WASL: variants seen among roughly 807,000 people sequenced by gnomAD.
WASL encodes WASP like actin nucleation promoting factor, also known as actin nucleation-promoting factor WASL.
Under a neutral mutation model 55.5 loss-of-function variants are expected in WASL, and 20 were observed. The observed-to-expected ratio is 0.36, with a 90% CI of 0.25 to 0.52. The LOEUF (loss-of-function observed/expected upper bound fraction) is 0.52, where lower values mean the gene tolerates loss of function less well. Among genes scored for constraint, WASL ranks in the 20% least tolerant of loss-of-function variants. The pLI, the probability that WASL is intolerant of heterozygous loss-of-function variation, is 0.92. For missense variants in WASL, 504 were observed against 622.5 expected, an observed-to-expected ratio of 0.81 and a Z score of 2.03; for synonymous variants, 249 against 217.6, an observed-to-expected ratio of 1.14 and a Z score of -1.27.
chr7:123,709,032 T>C, intron 2 of WASL, 57 bp downstream of exon 2: 1 of 1,472,182 alleles, frequency 6.8e-7, no homozygotes, highest in Non-Finnish European at 9.1e-7. Context: ...AACTAAATTA[T>C]AATTGATATA....
intron 1 of WASL, among the ~76,000 whole-genome samples, chr7:123,737,197 A>T (rs1168138531): frequency 3.9e-5 from 6 of 152,098 alleles, no homozygotes; most frequent in African/African-American, 1.4e-4. Context: ...ACTGTTTATG[A>T]ATTTGTTTTG....
intron 1 of WASL, among the ~76,000 whole-genome samples, chr7:123,737,530 G>A (rs1804256388): frequency 6.7e-6 from 1 of 149,706 alleles, no homozygotes; most frequent in African/African-American, 2.5e-5. Flanking sequence ...GGGAGGTGGA[G>A]CTTGCAGTGA....
Position 123,692,536 on chromosome 7 carries a change from C to CGGTGGCCCAGGAGGAGGT in WASL, c.1140_1157dup (p.Pro385_Gly390dup). The CGGTGGCCCAGGAGGAGGT allele has an allele frequency of 6.2e-7, 1 of 1,613,800 alleles. No individual in the cohort carries two copies. The highest frequency in any genetic ancestry group is 8.5e-7 in the Non-Finnish European group (1 of 1,179,956). On this transcript the variant is annotated inframe_insertion, in exon 9 of 11. Coordinates refer to ENST00000223023, the MANE Select transcript of WASL (RefSeq NM_003941.4). ...CATCAGAAGGCAGGCCAGGCGGGGG[C>CGGTGGCCCAGGAGGAGGT]GGTGGCCCAGGAGGAGGTGGAGGTG...
chr7:123,730,033 GGAGA>G (rs768535022), intron 1 of WASL, among the ~76,000 whole-genome samples: 1 of 152,028 alleles, frequency 6.6e-6, no homozygotes, highest in Non-Finnish European at 1.5e-5. Flanking sequence ...ATGCAAACAA[GGAGA>G]GAGTATAGTG....
rs972264348 is a variant in WASL at position 123,706,262 on chromosome 7, T to C, written c.436+15A>G. On this transcript the variant is annotated intron_variant, in intron 4 of 10. Coordinates refer to ENST00000223023, the MANE Select transcript of WASL (RefSeq NM_003941.4). ...TAGTTTGCTGGCCTGATTTAAGTAATTAAAAAAGGGTTACCAGATTTCCTT... is the reference window on the plus strand; with the variant it reads ...TAGTTTGCTGGCCTGATTTAAGTAACTAAAAAAGGGTTACCAGATTTCCTT... The C allele has an allele frequency of 1.9e-5, 31 of 1,611,514 alleles. No homozygotes were observed. Among genetic ancestry groups the C allele is most frequent in the Non-Finnish European group, 2.5e-5 (29 of 1,178,640 alleles).
At chr7:123,704,446 A>G (rs1249539170) in intron 5 of WASL, among the ~76,000 whole-genome samples, 188 bp downstream of exon 5, 1 of 152,180 alleles carries the variant, frequency 6.6e-6, no homozygotes, top group Non-Finnish European at 1.5e-5. Flanking sequence ...TTAATTAAAA[A>G]TAGGAACACA....
rs1442798090 is a variant in WASL at position 123,715,053 on chromosome 7, A to G, written c.118-5830T>C. Among the ~76,000 whole-genome samples, 4 of 152,198 alleles carry G rather than the reference A, an allele frequency of 2.6e-5. No homozygotes were observed. In the East Asian group the frequency reaches 7.7e-4, roughly 29 times the overall value. On this transcript the variant is annotated intron_variant, in intron 1 of 10. Transcript: ENST00000223023. Reference sequence around the variant, plus strand: ...TTAATGTTAAAGTAATACAAAACACAGCTCAATTCAGTGATTTAAAGAGAT... The same window carrying G: ...TTAATGTTAAAGTAATACAAAACACGGCTCAATTCAGTGATTTAAAGAGAT...
chr7:123,713,412 T>TA (rs1345286713), intron 1 of WASL, among the ~76,000 whole-genome samples: 7 of 152,102 alleles, frequency 4.6e-5, no homozygotes, highest in Non-Finnish European at 7.4e-5. Flanking sequence ...CTTGGCCTCC[T>TA]AAAGTGTAGG....
At chr7:123,713,625 AAACT>A (rs1232722306) in intron 1 of WASL, among the ~76,000 whole-genome samples, 22 of 152,302 alleles carry the variant, frequency 1.4e-4, no homozygotes, top group South Asian at 2.1e-4. Context: ...AAATGTCTGA[AAACT>A]AACATGAGAA....
chr7:123,691,222 C>T (rs980760746), intron 9 of WASL, among the ~76,000 whole-genome samples: 2 of 152,102 alleles, frequency 1.3e-5, no homozygotes, highest in African/African-American at 2.4e-5. Context: ...CATCCTCTGT[C>T]GTCTCCATTT....
intron 1 of WASL, among the ~76,000 whole-genome samples, chr7:123,741,476 G>C (rs1035016): frequency 0.28 from 43,210 of 151,956 alleles, 6,627 homozygotes; most frequent in African/African-American, 0.38. Flanking sequence ...CTATTACTGT[G>C]ACTATGAATG....
At chr7:123,692,267 C>T (rs1047792046) in intron 9 of WASL, 80 bp downstream of exon 9, 1 of 1,500,820 alleles carries the variant, frequency 6.7e-7, no homozygotes, top group African/African-American at 1.4e-5. Context: ...ATACACTTTT[C>T]AAAAATATCT....
chr7:123,741,258 T>C (rs530166109), intron 1 of WASL, among the ~76,000 whole-genome samples: 36 of 152,208 alleles, frequency 2.4e-4, no homozygotes, highest in Non-Finnish European at 5.0e-4. Flanking sequence ...TCACATTTAT[T>C]TCATTAATTA....
intron 9 of WASL, 137 bp downstream of exon 9, chr7:123,692,210 T>A (rs75565883): frequency 2.0e-4 from 247 of 1,255,982 alleles, no homozygotes; most frequent in Non-Finnish European, 2.6e-4. Context: ...TGTAAAAGTA[T>A]TTTTAAATTT....
intron 1 of WASL, among the ~76,000 whole-genome samples, chr7:123,715,317 C>T (rs1415494452): frequency 1.3e-5 from 2 of 152,178 alleles, no homozygotes; most frequent in Non-Finnish European, 2.9e-5. Context: ...TCAAAGACCA[C>T]ATAGAGAGCA....
At chr7:123,694,938 C>T (rs1395181965) in intron 7 of WASL, 70 bp from the exon 8 acceptor site, 1 of 1,475,230 alleles carries the variant, frequency 6.8e-7, no homozygotes, top group Non-Finnish European at 9.1e-7. Context: ...TAAGTCTCAT[C>T]TGTGTCCTTC....
chr7:123,745,274 T>C lies in WASL; in HGVS notation c.117+3344A>G, dbSNP rs989045819. Among the ~76,000 whole-genome samples, 4 of 152,268 alleles carry C rather than the reference T, an allele frequency of 2.6e-5. No homozygotes were observed. The East Asian group carries it at 5.8e-4, about 22-fold the overall frequency. ...CCTGCAATACTATAAATCAACTATCTGATTTCCCTTGTCTTTCCCTCACAA... is the reference window on the plus strand; with the variant it reads ...CCTGCAATACTATAAATCAACTATCCGATTTCCCTTGTCTTTCCCTCACAA... On this transcript the variant is annotated intron_variant, in intron 1 of 10. Transcript: ENST00000223023.
chr7:123,686,087 A>T (rs1351416142), intron 10 of WASL, among the ~76,000 whole-genome samples: 1 of 151,344 alleles, frequency 6.6e-6, no homozygotes, highest in Admixed American at 6.6e-5. Context: ...GTATTTGAAG[A>T]AGTACTGGAG....
chr7:123,714,231 A>C (rs1803802333), intron 1 of WASL, among the ~76,000 whole-genome samples: 1 of 152,202 alleles, frequency 6.6e-6, no homozygotes. Context: ...AGGGAACAAC[A>C]ACTCCTGAGA....
Sources: allele counts gnomAD v4.1 joint callset (sites outside exome capture counted in the v4.1 genomes callset), GRCh38; gene constraint gnomAD v4.1.1; transcripts MANE v1.5; gene names NCBI Gene and HGNC (gene_info 2026-07-23, HGNC 2026-07-21).